The following SPIDR variants were observed in gnomAD, a reference collection of about 807,000 sequenced individuals.
SPIDR encodes DNA repair-scaffolding protein.
A neutral mutation model predicts 104.6 loss-of-function variants in SPIDR; 93 were observed. The ratio of observed to expected loss-of-function variants is 0.89; its 90% CI spans 0.75 to 1.06. The LOEUF is 1.06. Ranked by LOEUF, SPIDR falls within the 50% of genes least tolerant of loss-of-function variation. The probability of loss-of-function intolerance (pLI) is 0.00; values close to 1 mark genes in which losing one functional copy is unlikely to be tolerated. For synonymous variants in SPIDR, 431 were observed against 416.9 expected, an observed-to-expected ratio of 1.03 and a Z score of -0.41; for missense variants, 1,154 against 1,111.2, an observed-to-expected ratio of 1.04 and a Z score of -0.55.
At chr8:47,353,343 G>C (rs2053925794) in intron 5 of SPIDR, among the ~76,000 whole-genome samples, 1 of 152,156 alleles carries the variant, frequency 6.6e-6, no homozygotes, top group Non-Finnish European at 1.5e-5. Context: ...ACCTGCTCCA[G>C]CTGCAACGCG....
intron 8 of SPIDR, among the ~76,000 whole-genome samples, chr8:47,456,126 C>T (rs2154350999): frequency 6.6e-6 from 1 of 152,300 alleles, no homozygotes; most frequent in South Asian, 2.1e-4. Context: ...GAATTTTGTT[C>T]CCCTGCAATT....
At chr8:47,733,725 G>A (rs2085668450) in intron 19 of SPIDR, among the ~76,000 whole-genome samples, 1 of 152,000 alleles carries the variant, frequency 6.6e-6, no homozygotes, top group African/African-American at 2.4e-5. Context: ...GGCCCACATG[G>A]GATCATAATA....
intron 10 of SPIDR, among the ~76,000 whole-genome samples, chr8:47,672,644 A>T (rs189248935): frequency 1.1e-4 from 17 of 152,264 alleles, no homozygotes; most frequent in Admixed American, 9.2e-4. Context: ...TCTCCTATTC[A>T]TATTTTGGGG....
chr8:47,415,226 T>C (rs2064083001), intron 7 of SPIDR, among the ~76,000 whole-genome samples: 1 of 152,166 alleles, frequency 6.6e-6, no homozygotes, highest in South Asian at 2.1e-4. Flanking sequence ...TAAAACACTT[T>C]GTATTTAAAA....
intron 1 of SPIDR, among the ~76,000 whole-genome samples, chr8:47,265,430 G>A (rs190744202): frequency 7.3e-5 from 11 of 151,672 alleles, no homozygotes; most frequent in African/African-American, 2.4e-4. Flanking sequence ...ACCTCAAGCC[G>A]TTCTTTCTCC....
intron 8 of SPIDR, among the ~76,000 whole-genome samples, chr8:47,473,671 A>G (rs1016910950): frequency 6.6e-6 from 1 of 152,108 alleles, no homozygotes; most frequent in African/African-American, 2.4e-5. Context: ...CTTCTTTTCT[A>G]CACTATGAGC....
At chr8:47,697,924 T>C (rs908008319) in intron 11 of SPIDR, 1 of 152,248 alleles carries the variant, frequency 6.6e-6, no homozygotes, top group Non-Finnish European at 1.5e-5. Flanking sequence ...CCTGCCAGAC[T>C]AGGGACCTGG....
intron 8 of SPIDR, among the ~76,000 whole-genome samples, chr8:47,470,196 G>GGA (rs2075479054): frequency 6.6e-6 from 1 of 152,176 alleles, no homozygotes; most frequent in Non-Finnish European, 1.5e-5. Flanking sequence ...ACTAGTATAA[G>GGA]GAGAGAGATA....
chr8:47,416,073 G>A (rs2064227034), intron 7 of SPIDR, among the ~76,000 whole-genome samples: 1 of 152,110 alleles, frequency 6.6e-6, no homozygotes, highest in South Asian at 2.1e-4. Context: ...GTGAAACCCT[G>A]CCTCTACTAA....
chr8:47,686,039 AGGGAAG>A (rs1048047661), intron 11 of SPIDR, among the ~76,000 whole-genome samples: 15 of 152,112 alleles, frequency 9.9e-5, no homozygotes, highest in African/African-American at 3.6e-4. Context: ...AGGAGAGAGA[AGGGAAG>A]GGGAAGGGGA....
chr8:47,533,084 T>A (rs935876345), intron 8 of SPIDR, among the ~76,000 whole-genome samples: 9 of 152,140 alleles, frequency 5.9e-5, no homozygotes, highest in African/African-American at 2.2e-4. Context: ...ATTTGTAAGT[T>A]TCAGTGAAAG....
chr8:47,353,707 GAT>G (rs1491567151), intron 5 of SPIDR, among the ~76,000 whole-genome samples: 173 of 88,392 alleles, frequency 2.0e-3, no homozygotes, highest in African/African-American at 6.5e-3. Context: ...TCTATACTGA[GAT>G]TTTTTTTTTT....
intron 8 of SPIDR, among the ~76,000 whole-genome samples, chr8:47,579,346 T>G (rs1035301574): frequency 6.6e-6 from 1 of 152,218 alleles, no homozygotes; most frequent in Non-Finnish European, 1.5e-5. Context: ...ATGTGATTTA[T>G]TGTCTGTCTT....
chr8:47,640,057 G>A (rs2068620355), intron 10 of SPIDR, among the ~76,000 whole-genome samples: 1 of 152,172 alleles, frequency 6.6e-6, no homozygotes, highest in Non-Finnish European at 1.5e-5. Context: ...CATCCCCAGA[G>A]CCACAGCCGA....
At chr8:47,521,730 T>TTTTTTTA (rs1315444856) in intron 8 of SPIDR, among the ~76,000 whole-genome samples, 1 of 152,020 alleles carries the variant, frequency 6.6e-6, no homozygotes, top group East Asian at 2.0e-4. Context: ...CCACTCTTTA[T>TTTTTTTA]TTTTTTATTT....
intron 8 of SPIDR, among the ~76,000 whole-genome samples, chr8:47,573,522 A>G (rs914463323): frequency 1.3e-5 from 2 of 152,326 alleles, no homozygotes; most frequent in African/African-American, 2.4e-5. Flanking sequence ...AGGGGGCAAC[A>G]TGATGTCGGA....
At chr8:47,416,356 A>G (rs557445313) in intron 7 of SPIDR, among the ~76,000 whole-genome samples, 173 of 152,330 alleles carry the variant, frequency 1.1e-3, no homozygotes, top group African/African-American at 3.7e-3. Context: ...GTGTATGTCA[A>G]TAACCCACTC....
At chr8:47,384,671 G>C (rs1011427905) in intron 5 of SPIDR, among the ~76,000 whole-genome samples, 2 of 152,188 alleles carry the variant, frequency 1.3e-5, no homozygotes, top group African/African-American at 4.8e-5. Context: ...GCAGCTGCCA[G>C]TTTAGACAGA....
At chr8:47,727,430 C>A in intron 17 of SPIDR, 137 bp downstream of exon 17, 1 of 736,694 alleles carries the variant, frequency 1.4e-6, no homozygotes, top group South Asian at 1.7e-5. Flanking sequence ...TGCTGAGCAG[C>A]AAGGGAAGAG....
Sources: allele counts gnomAD v4.1 joint callset (sites outside exome capture counted in the v4.1 genomes callset), GRCh38; gene constraint gnomAD v4.1.1; transcripts MANE v1.5; gene names NCBI Gene and HGNC (gene_info 2026-07-23, HGNC 2026-07-21).